TRIM37: variants seen among roughly 807,000 people sequenced by gnomAD.
The protein encoded by TRIM37 is E3 ubiquitin-protein ligase TRIM37.
In TRIM37, 80 loss-of-function variants were observed where a neutral mutation model predicts 129.8. The observed-to-expected ratio is 0.62, with a 90% confidence interval of 0.51 to 0.74. TRIM37 has a LOEUF of 0.74. Ranked by LOEUF, TRIM37 falls within the 30% of genes least tolerant of loss-of-function variation. The pLI is 0.00. For missense variants in TRIM37, 1,054 were observed against 1,176.5 expected, an observed-to-expected ratio of 0.90 and a Z score of 1.52; for synonymous variants, 389 against 387.1, an observed-to-expected ratio of 1.00 and a Z score of -0.06.
chr17:58,971,496 T>C, the TRIM37 span, among the ~76,000 whole-genome samples: 1 of 152,170 alleles, frequency 6.6e-6, no homozygotes, highest in Non-Finnish European at 1.5e-5. Flanking sequence ...AATTCCAGGC[T>C]GTTAGTTCTT....
chr17:59,105,246 G>C (rs1318798387), intron 1 of TRIM37, among the ~76,000 whole-genome samples: 1 of 152,178 alleles, frequency 6.6e-6, no homozygotes, highest in African/African-American at 2.4e-5. Flanking sequence ...CCTAAAGGCA[G>C]TGTACTGTGA....
intron 7 of TRIM37, among the ~76,000 whole-genome samples, chr17:59,078,444 A>G (rs1230809284): frequency 1.3e-5 from 2 of 152,210 alleles, no homozygotes; most frequent in Non-Finnish European, 2.9e-5. Context: ...TTTGACTTTT[A>G]GTTGATTCAA....
chr17:59,058,896 A>G (rs2041219532), intron 12 of TRIM37, among the ~76,000 whole-genome samples: 2 of 152,188 alleles, frequency 1.3e-5, no homozygotes, highest in Non-Finnish European at 2.9e-5. Flanking sequence ...GGGAAAGCCA[A>G]TATATTCTAA....
exon 25 of TRIM37, chr17:58,982,887 C>T (rs1372788576): frequency 3.8e-6 from 6 of 1,569,308 alleles, no homozygotes; most frequent in Admixed American, 1.9e-5. Context: ...TCTTGTTAAC[C>T]CATCAGGTGC....
At chr17:59,067,433 C>G (rs2042002709) in intron 9 of TRIM37, among the ~76,000 whole-genome samples, 1 of 152,152 alleles carries the variant, frequency 6.6e-6, no homozygotes, top group South Asian at 2.1e-4. Flanking sequence ...CTGGAAGTCA[C>G]TGATCTGCAA....
the TRIM37 span, among the ~76,000 whole-genome samples, chr17:58,971,256 G>T: frequency 6.6e-6 from 1 of 152,032 alleles, no homozygotes; most frequent in Non-Finnish European, 1.5e-5. Context: ...ACATTTTATT[G>T]GTGGGTGAGG....
intron 16 of TRIM37, among the ~76,000 whole-genome samples, chr17:59,046,522 T>C (rs1293495431): frequency 1.3e-5 from 2 of 151,590 alleles, no homozygotes; most frequent in Non-Finnish European, 2.9e-5. Context: ...TCTCAGAAAG[T>C]ATTAGTCATG....
Position 58,998,215 on chromosome 17 carries a change from A to G in TRIM37, c.*1162T>C. The G allele has an allele frequency of 1.0e-6, 1 of 985,404 alleles. No individual in the cohort carries two copies. Among genetic ancestry groups the G allele is most frequent in the Non-Finnish European group, 1.2e-6 (1 of 829,892 alleles). 61.0% of individuals were successfully genotyped at this position (985,404 alleles called of 1,614,324 possible). A position where few individuals can be genotyped will look rare whatever the true frequency, so the allele number is the denominator to read the frequency against. ...AGCAGAGGCATATTTTCTCAAGTTG[A>G]TTTTATTAACAAAAAGTGCAAACTA... On this transcript the variant is annotated 3_prime_UTR_variant, in exon 24 of 24. Transcript: ENST00000262294.
At chr17:59,004,709 G>A (rs1188360431) in intron 22 of TRIM37, among the ~76,000 whole-genome samples, 1 of 152,070 alleles carries the variant, frequency 6.6e-6, no homozygotes, top group Non-Finnish European at 1.5e-5. Context: ...TCTTTCCTAG[G>A]TACAAACTAC....
intron 7 of TRIM37, among the ~76,000 whole-genome samples, chr17:59,078,125 AAATAATAAT>A (rs900907666): frequency 6.6e-6 from 1 of 151,526 alleles, no homozygotes; most frequent in East Asian, 1.9e-4. Flanking sequence ...ACTCCATCTC[AAATAATAAT>A]AATAATAATA....
At chr17:59,060,412 T>A (rs2041378187) in intron 12 of TRIM37, among the ~76,000 whole-genome samples, 1 of 151,686 alleles carries the variant, frequency 6.6e-6, no homozygotes, top group African/African-American at 2.4e-5. Flanking sequence ...AGACATTCCA[T>A]ACTAAACTAA....
At chr17:59,012,217 A>G in intron 22 of TRIM37, 111 bp downstream of exon 22, 1 of 710,938 alleles carries the variant, frequency 1.4e-6, no homozygotes, top group Non-Finnish European at 2.5e-6. Context: ...CACTACCACC[A>G]GCAGCAGCAG....
At chr17:59,094,343 A>T (rs1639686159) in intron 2 of TRIM37, among the ~76,000 whole-genome samples, 1 of 152,216 alleles carries the variant, frequency 6.6e-6, no homozygotes, top group African/African-American at 2.4e-5. Context: ...ATTCCCCCTC[A>T]TTCAATTAAA....
At position 59,062,725 on chromosome 17, in the gene TRIM37, C is replaced by T. The variant is rs1868399878; in HGVS notation, c.861-77G>A. The T allele has an allele frequency of 5.1e-6, 6 of 1,182,494 alleles. No homozygotes were observed. The Admixed American group carries it at 7.1e-5, about 14-fold the overall frequency. The allele number at this position is 1,182,494 out of a possible 1,614,324, so 73.3% of individuals were successfully genotyped here. ...GGCAACAGGCAAAAAGAAAGACCAA[C>T]CAGTTTCTTTGTTACATACTTGAAA... is the stretch of plus-strand genomic sequence containing the variant. On this transcript the variant is annotated intron_variant, in intron 10 of 23. Transcript: ENST00000262294.
chr17:59,071,911 T>C (rs985352265), intron 8 of TRIM37, among the ~76,000 whole-genome samples: 4 of 152,222 alleles, frequency 2.6e-5, no homozygotes, highest in African/African-American at 9.6e-5. Flanking sequence ...AAGTTTGTTA[T>C]AAGGATTATG....
At chr17:58,979,428 C>T (rs1332095192), downstream of TRIM37, among the ~76,000 whole-genome samples, 1 of 152,148 alleles carries the variant, frequency 6.6e-6, no homozygotes, top group Non-Finnish European at 1.5e-5. Flanking sequence ...TATAAAATCT[C>T]GTGTAACTCA....
At chr17:59,019,267 G>A (rs1291849482) in intron 19 of TRIM37, among the ~76,000 whole-genome samples, 1 of 152,138 alleles carries the variant, frequency 6.6e-6, no homozygotes, top group Non-Finnish European at 1.5e-5. Flanking sequence ...ATCAACTAAT[G>A]AGTGGATAAA....
chr17:59,091,951 T>C (rs138596932), intron 2 of TRIM37, among the ~76,000 whole-genome samples: 2 of 152,082 alleles, frequency 1.3e-5, no homozygotes, highest in African/African-American at 4.8e-5. Flanking sequence ...TGATGATTTA[T>C]TTCTATCTAG....
intron 17 of TRIM37, among the ~76,000 whole-genome samples, chr17:59,033,469 G>A (rs2038108945): frequency 6.6e-6 from 1 of 152,086 alleles, no homozygotes; most frequent in South Asian, 2.1e-4. Flanking sequence ...CAGTCTCACT[G>A]TTGCCCAGGC....
Sources: gnomAD v4.1 joint callset for allele counts (sites outside exome capture counted in the v4.1 genomes callset) on GRCh38, gnomAD v4.1.1 for gene constraint, MANE v1.5 for transcripts, NCBI Gene and HGNC (gene_info 2026-07-23, HGNC 2026-07-21) for gene names.